EXOSC6: variants seen among roughly 807,000 people sequenced by gnomAD.
The protein encoded by EXOSC6 is exosome component 6.
Under a neutral mutation model 16.7 loss-of-function variants are expected in EXOSC6, and 21 were observed. The ratio of observed to expected loss-of-function variants is 1.26; its 90% CI spans 0.89 to 1.82. EXOSC6 has a LOEUF of 1.82. EXOSC6 is among the 40% of genes most tolerant of loss of function. EXOSC6 has a pLI of 0.00. For synonymous variants in EXOSC6, 297 were observed against 217.1 expected (o/e 1.37, Z -3.24); for missense variants, 538 against 415.7 (o/e 1.29, Z -2.56).
At position 70,251,857 on chromosome 16, in the gene EXOSC6, T is replaced by G; in HGVS notation, c.44A>C (p.Gln15Pro). The change falls in exon 1 of 1, where the codon CAG becomes CCG. Residue 15 changes from glutamine (Q) to proline (P), a missense_variant. By Grantham distance (76) the Gln-to-Pro change is moderately conservative (BLOSUM62 -1). Transcript: ENST00000435634. ...HRRIRGPEESQPPQLYAADEE... is the reference protein window; with the variant it reads ...HRRIRGPEESPPPQLYAADEE... ...GTCGGCCGCGTACAGCTGCGGCGGC[T>G]GCGATTCTTCAGGGCCGCGGATGCG... 6.4e-7 allele frequency: 1 copy of G among 1,554,330 alleles called. No individual in the cohort carries two copies. The highest frequency in any genetic ancestry group is 8.6e-7 in the Non-Finnish European group (1 of 1,160,578).
chr16:70,251,149 A>G lies in EXOSC6; in HGVS notation c.752T>C (p.Leu251Pro). The change falls in exon 1 of 1, where the codon CTC (leucine) becomes CCC (proline). Residue 251 changes from leucine (L) to proline (P), a missense_variant. Leu to Pro is a moderately conservative substitution (Grantham distance 98). Coordinates refer to ENST00000435634, the MANE Select transcript of EXOSC6 (RefSeq NM_058219.3). ...VRLGLEGCQR[L>P]YPVLQQSLVR... ...CAGGCTCTGCTGCAGCACGGGGTAG[A>G]GGCGCTGGCAGCCCTCGAGGCCCAG... The G allele has an allele frequency of 2.0e-6, 3 of 1,535,128 alleles. No homozygotes were observed. The highest frequency in any genetic ancestry group is 2.6e-6 in the Non-Finnish European group (3 of 1,151,298).
At position 70,251,078 on chromosome 16, in the gene EXOSC6, T is replaced by C. The variant is rs1343208031; in HGVS notation, c.*4A>G. ...TTGCGTCCGTAGTTGCTCAGGCTTC[T>C]GGTTCAGGGCTGGGCGGCGGCGCCC... On this transcript the variant is annotated 3_prime_UTR_variant, in exon 1 of 1. Transcript: ENST00000435634. The C allele has an allele frequency of 2.7e-6, 4 of 1,462,386 alleles. No individual in the cohort carries two copies. Among genetic ancestry groups the C allele is most frequent in the African/African-American group, 3.0e-5 (2 of 67,552 alleles). The allele number at this position is 1,462,386 out of a possible 1,614,324, so 90.6% of individuals were successfully genotyped here. A position where few individuals can be genotyped will look rare whatever the true frequency, so the allele number is the denominator to read the frequency against.
At position 70,251,876 on chromosome 16, in the gene EXOSC6, G is replaced by A. The variant is rs531804444; in HGVS notation, c.25C>T (p.Arg9Cys). 6.5e-6 allele frequency: 10 copies of A among 1,546,972 alleles called. No homozygotes were observed. The highest frequency in any genetic ancestry group is 5.2e-5 in the East Asian group (2 of 38,466). The change falls in exon 1 of 1, where the codon CGC (arginine) becomes TGC (cysteine). Residue 9 changes from arginine (R) to cysteine (C), a missense_variant. Arg to Cys is a radical substitution (Grantham distance 180). Coordinates refer to ENST00000435634, the MANE Select transcript of EXOSC6 (RefSeq NM_058219.3). MPGDHRRI[R>C]GPEESQPPQL... ...GGCGGCTGCGATTCTTCAGGGCCGC[G>A]GATGCGGCGGTGATCCCCAGGCATG...
In EXOSC6 at chr16:70,251,669, C is replaced by T. The variant is rs1959826581; in HGVS notation, c.232G>A (p.Gly78Ser). 6 of 1,229,190 alleles carry T rather than the reference C, an allele frequency of 4.9e-6. No individual in the cohort carries two copies. Among genetic ancestry groups the T allele is most frequent in the South Asian group, 7.2e-5 (2 of 27,630 alleles). 76.1% of individuals were successfully genotyped at this position (1,229,190 alleles called of 1,614,324 possible). A position where few individuals can be genotyped will look rare whatever the true frequency, so the allele number is the denominator to read the frequency against. ...GPRQAEGGER[G>S]GGPAGAGGEA... ...CCGCCTGCTCCGGCCGGGCCGCCGC[C>T]GCGCTCGCCGCCCTCGGCCTGTCGC... The change falls in exon 1 of 1, where the codon GGC becomes AGC. Residue 78 changes from glycine (G) to serine (S), a missense_variant. Coordinates refer to ENST00000435634, the MANE Select transcript of EXOSC6 (RefSeq NM_058219.3).
rs1959797302 is a variant in EXOSC6 at position 70,250,839 on chromosome 16, T to A, written c.*243A>T. 5 of 423,920 alleles carry A rather than the reference T, an allele frequency of 1.2e-5. No individual in the cohort carries two copies. The Admixed American group carries it at 2.2e-4, about 19-fold the overall frequency. 26.3% of individuals were successfully genotyped at this position (423,920 alleles called of 1,614,324 possible). A position where few individuals can be genotyped will look rare whatever the true frequency, so the allele number is the denominator to read the frequency against. On this transcript the variant is annotated 3_prime_UTR_variant, in exon 1 of 1. Coordinates refer to ENST00000435634, the MANE Select transcript of EXOSC6 (RefSeq NM_058219.3). Reference sequence around the variant, plus strand: ...TCTCTAAAAAAAAGGTCCAGGTAATTTCAGGGTCCAGCTCCACCACAAGCG... The same window carrying A: ...TCTCTAAAAAAAAGGTCCAGGTAATATCAGGGTCCAGCTCCACCACAAGCG...
chr16:70,249,397 C>CA lies in EXOSC6; in HGVS notation c.*1684dup, dbSNP rs540620751. 0.056 allele frequency: 6,724 copies of CA among 119,896 alleles called. 174 individuals carry two copies. Among genetic ancestry groups the CA allele is most frequent in the Middle Eastern group, 0.087 (18 of 206 alleles). The allele number at this position is 119,896 out of a possible 1,614,324, so 7.4% of individuals were successfully genotyped here. On this transcript the variant is annotated 3_prime_UTR_variant, in exon 1 of 1. Transcript: ENST00000435634. ...TGGACAACAGAGCAAGACTCCGCAT[C>CA]AAAAAAAAAAAAAAGATATTTTAAT...
chr16:70,247,683 TAAAA>T lies in EXOSC6; in HGVS notation c.*3395_*3398del, dbSNP rs1959720976. On this transcript the variant is annotated 3_prime_UTR_variant, in exon 1 of 1. Coordinates refer to ENST00000435634, the MANE Select transcript of EXOSC6 (RefSeq NM_058219.3). Reference sequence around the variant, plus strand: ...GAAAGAATATTTATTTTGCAGCTGTTAAAAGACATTTTTCCCTAAAAAAAGAAAA... The same window carrying T: ...GAAAGAATATTTATTTTGCAGCTGTTGACATTTTTCCCTAAAAAAAGAAAA... The T allele has an allele frequency of 6.6e-6, 1 of 152,172 alleles. No homozygotes were observed. The highest frequency in any genetic ancestry group is 1.5e-5 in the Non-Finnish European group (1 of 68,030). 9.4% of individuals were successfully genotyped at this position (152,172 alleles called of 1,614,324 possible).
rs1179331146 is a variant in EXOSC6 at position 70,250,132 on chromosome 16, T to C, written c.*950A>G. On this transcript the variant is annotated 3_prime_UTR_variant, in exon 1 of 1. Transcript: ENST00000435634. The stretch of plus-strand genomic sequence containing the variant: ...TTCCACTAGAAACTAAAAATAATAA[T>C]AATAATAATAATGGTTTTATATATA... 1 of 151,470 alleles carries C rather than the reference T, an allele frequency of 6.6e-6. No individual in the cohort carries two copies. The highest frequency in any genetic ancestry group is 1.5e-5 in the Non-Finnish European group (1 of 67,852). 9.4% of individuals were successfully genotyped at this position (151,470 alleles called of 1,614,324 possible). A position where few individuals can be genotyped will look rare whatever the true frequency, so the allele number is the denominator to read the frequency against.
Position 70,251,564 on chromosome 16 carries a change from G to T in EXOSC6, c.337C>A (p.Pro113Thr). The T allele has an allele frequency of 2.6e-6, 3 of 1,136,156 alleles. No individual in the cohort carries two copies. Among genetic ancestry groups the T allele is most frequent in the South Asian group, 4.1e-5 (1 of 24,364 alleles). 70.4% of individuals were successfully genotyped at this position (1,136,156 alleles called of 1,614,324 possible). A position where few individuals can be genotyped will look rare whatever the true frequency, so the allele number is the denominator to read the frequency against. ...APFAGRRRRA[P>T]PGGCEERELA... is the part of the protein sequence containing the mutation. ...TCACGCTCCTCGCAGCCGCCCGGGG[G>T]AGCGCGGCGCCGGCGGCCCGCGAAG... Residue 113 changes from proline (P) to threonine (T), a missense_variant, in exon 1 of 1, where the codon CCC becomes ACC. Pro to Thr is a conservative substitution (Grantham distance 38, BLOSUM62 -1). Coordinates refer to ENST00000435634, the MANE Select transcript of EXOSC6 (RefSeq NM_058219.3).
chr16:70,247,689 AC>A lies in EXOSC6; in HGVS notation c.*3392del, dbSNP rs1162592597. On this transcript the variant is annotated 3_prime_UTR_variant, in exon 1 of 1. Transcript: ENST00000435634. ...ATATTTATTTTGCAGCTGTTAAAAG[AC>A]ATTTTTCCCTAAAAAAAGAAAAGCT... 6.6e-6 allele frequency: 1 copy of A among 152,196 alleles called. No individual in the cohort carries two copies. Among genetic ancestry groups the A allele is most frequent in the African/African-American group, 2.4e-5 (1 of 41,434 alleles). 9.4% of individuals were successfully genotyped at this position (152,196 alleles called of 1,614,324 possible). A position where few individuals can be genotyped will look rare whatever the true frequency, so the allele number is the denominator to read the frequency against.
Sources: allele counts gnomAD v4.1 joint callset, GRCh38; gene constraint gnomAD v4.1.1; transcripts MANE v1.5; gene names NCBI Gene and HGNC (gene_info 2026-07-23, HGNC 2026-07-21).